RPGRIP1L: variants seen among roughly 807,000 people sequenced by gnomAD.
The protein encoded by RPGRIP1L is protein fantom.
RPGRIP1L carries 131 observed loss-of-function variants against 160.4 expected under a neutral mutation model. The ratio of observed to expected loss-of-function variants is 0.82; its 90% confidence interval spans 0.71 to 0.94. The LOEUF (loss-of-function observed/expected upper bound fraction) is 0.94. Among genes scored for constraint, RPGRIP1L ranks in the 40% least tolerant of loss-of-function variants. RPGRIP1L has a pLI of 0.00. For missense variants in RPGRIP1L, 1,522 were observed against 1,535.8 expected, an observed-to-expected ratio of 0.99 and a Z score of 0.15; for synonymous variants, 510 against 515.8, an observed-to-expected ratio of 0.99 and a Z score of 0.15.
At chr16:53,702,073 A>G (rs1008825655) in intron 1 of RPGRIP1L, among the ~76,000 whole-genome samples, 9 of 152,008 alleles carry the variant, frequency 5.9e-5, no homozygotes, top group African/African-American at 1.7e-4. Context: ...TAAAAATAAT[A>G]ATGATGATGA....
intron 7 of RPGRIP1L, among the ~76,000 whole-genome samples, chr16:53,673,805 C>G (rs980637906): frequency 2.0e-5 from 3 of 152,008 alleles, no homozygotes; most frequent in African/African-American, 7.2e-5. Context: ...TTTCTAGGCT[C>G]CACACTTCAC....
At chr16:53,698,902 T>C (rs1438328523) in intron 2 of RPGRIP1L, among the ~76,000 whole-genome samples, 5 of 152,072 alleles carry the variant, frequency 3.3e-5, no homozygotes, top group Non-Finnish European at 7.4e-5. Flanking sequence ...CAACAGCTCA[T>C]TGAGAATGGG....
At chr16:53,625,026 C>G (rs1964997189) in intron 22 of RPGRIP1L, among the ~76,000 whole-genome samples, 1 of 152,122 alleles carries the variant, frequency 6.6e-6, no homozygotes, top group Non-Finnish European at 1.5e-5. Flanking sequence ...TTGGCCTCCC[C>G]AGGTGCCGGG....
At chr16:53,666,770 A>G (rs1413543563) in intron 9 of RPGRIP1L, among the ~76,000 whole-genome samples, 1 of 152,174 alleles carries the variant, frequency 6.6e-6, no homozygotes, top group Non-Finnish European at 1.5e-5. Flanking sequence ...AAAGATCACC[A>G]ACAGCTAATC....
chr16:53,621,744 C>T (rs914779093), intron 23 of RPGRIP1L, among the ~76,000 whole-genome samples: 41 of 152,132 alleles, frequency 2.7e-4, no homozygotes, highest in African/African-American at 9.9e-4. Flanking sequence ...TCAACTAGGC[C>T]GGGCGCAGTG....
At chr16:53,648,369 A>C (rs1382660369) in intron 16 of RPGRIP1L, among the ~76,000 whole-genome samples, 4 of 152,162 alleles carry the variant, frequency 2.6e-5, no homozygotes, top group Non-Finnish European at 5.9e-5. Flanking sequence ...AATAATTTGG[A>C]AGCACAATAA....
At chr16:53,671,477 G>C (rs745412492) in intron 9 of RPGRIP1L, 33 bp downstream of exon 9, 5 of 1,356,816 alleles carry the variant, frequency 3.7e-6, no homozygotes, top group Non-Finnish European at 4.2e-6. Context: ...GCTCAAACAA[G>C]ACAATGAAAG....
At chr16:53,657,371 G>T in intron 13 of RPGRIP1L, 82 bp downstream of exon 13, 1 of 916,966 alleles carries the variant, frequency 1.1e-6, no homozygotes, top group Non-Finnish European at 1.7e-6. Flanking sequence ...ATAGATAACA[G>T]GTGATAACAT....
intron 4 of RPGRIP1L, among the ~76,000 whole-genome samples, chr16:53,689,155 T>C (rs1386800437): frequency 6.6e-6 from 1 of 151,504 alleles, no homozygotes; most frequent in Non-Finnish European, 1.5e-5. Context: ...CTGGGGTACA[T>C]GTGGTATTTT....
chr16:53,641,048 CATG>C lies in RPGRIP1L; in HGVS notation c.2940_2942del (p.Ile980del). On this transcript the variant is annotated inframe_deletion, in exon 19 of 27. Transcript: ENST00000647211. The stretch of plus-strand genomic sequence containing the variant: ...TACTACTTACATCACTCTGATGTGG[CATG>C]ATATCCACGAAAGATACCTTCTTAT... The C allele has an allele frequency of 6.2e-7, 1 of 1,612,160 alleles. No homozygotes were observed. Among genetic ancestry groups the C allele is most frequent in the Non-Finnish European group, 8.5e-7 (1 of 1,178,358 alleles).
At chr16:53,648,622 GCGCGCACACACACA>G (rs1469341331) in intron 16 of RPGRIP1L, among the ~76,000 whole-genome samples, 2 of 102,220 alleles carry the variant, frequency 2.0e-5, no homozygotes, top group East Asian at 2.3e-4. Flanking sequence ...GTGCGCGCGC[GCGCGCACACACACA>G]CACACACACA....
At chr16:53,685,162 G>A (rs1264047199) in intron 6 of RPGRIP1L, among the ~76,000 whole-genome samples, 3 of 152,080 alleles carry the variant, frequency 2.0e-5, no homozygotes, top group African/African-American at 7.2e-5. Flanking sequence ...AAACCACAAT[G>A]AGATACCATC....
intron 20 of RPGRIP1L, 83 bp from the exon 21 acceptor site, chr16:53,637,937 A>G: frequency 3.6e-6 from 5 of 1,390,286 alleles, no homozygotes; most frequent in Non-Finnish European, 5.1e-6. Flanking sequence ...GTTGAATAAT[A>G]AAGCATGTAA....
Position 53,598,686 on chromosome 16 carries a change from G to A in RPGRIP1L, c.*3390C>T, listed in dbSNP as rs1014719695. 2 of 152,132 alleles carry A rather than the reference G, an allele frequency of 1.3e-5. No homozygotes were observed. The allele number at this position is 152,132 out of a possible 1,614,324, so 9.4% of individuals were successfully genotyped here. On this transcript the variant is annotated 3_prime_UTR_variant, in exon 27 of 27. Transcript: ENST00000647211. ...GTAAATCTGTTTGTTCCCATTCATG[G>A]ATTTAATTAGGCATGTTGCCCAATC... is the stretch of plus-strand genomic sequence containing the variant.
intron 22 of RPGRIP1L, among the ~76,000 whole-genome samples, chr16:53,630,432 A>G (rs975629032): frequency 2.6e-5 from 4 of 152,310 alleles, no homozygotes; most frequent in African/African-American, 9.6e-5. Flanking sequence ...AGGAGAAAAC[A>G]TGAATTTTCA....
chr16:53,622,022 CAAAAAAAAAAA>C (rs36057385), intron 23 of RPGRIP1L, among the ~76,000 whole-genome samples, 186 bp downstream of exon 23: 2 of 24,134 alleles, frequency 8.3e-5, no homozygotes, highest in Admixed American at 6.4e-4. Context: ...GACTCCGTCT[CAAAAAAAAAAA>C]AAAAAAAAAA....
chr16:53,619,446 AT>A (rs914395014), intron 23 of RPGRIP1L, among the ~76,000 whole-genome samples: 7 of 152,186 alleles, frequency 4.6e-5, no homozygotes, highest in African/African-American at 1.7e-4. Flanking sequence ...TAGTCTCCTG[AT>A]TTACATTTGA....
At chr16:53,625,038 T>C (rs560877405) in intron 22 of RPGRIP1L, among the ~76,000 whole-genome samples, 5 of 152,218 alleles carry the variant, frequency 3.3e-5, no homozygotes, top group South Asian at 2.1e-4. Context: ...GGTGCCGGGA[T>C]TGCAGACGGA....
chr16:53,601,021 T>C lies in RPGRIP1L; in HGVS notation c.*1055A>G, dbSNP rs1218032327. ...ACAAATAAAAAAGTAAATTAAAAAATGAAATGCATTATATCCTAGACCTCT... is the reference window on the plus strand; with the variant it reads ...ACAAATAAAAAAGTAAATTAAAAAACGAAATGCATTATATCCTAGACCTCT... On this transcript the variant is annotated 3_prime_UTR_variant, in exon 27 of 27. Coordinates refer to ENST00000647211, the MANE Select transcript of RPGRIP1L (RefSeq NM_015272.5). 6.5e-6 allele frequency: 1 copy of C among 152,706 alleles called. No individual in the cohort carries two copies. The highest frequency in any genetic ancestry group is 1.9e-4 in the East Asian group (1 of 5,190). 9.5% of individuals were successfully genotyped at this position (152,706 alleles called of 1,614,324 possible). A position where few individuals can be genotyped will look rare whatever the true frequency, so the allele number is the denominator to read the frequency against.
Sources: allele counts gnomAD v4.1 joint callset (sites outside exome capture counted in the v4.1 genomes callset), GRCh38; gene constraint gnomAD v4.1.1; transcripts MANE v1.5; gene names NCBI Gene and HGNC (gene_info 2026-07-23, HGNC 2026-07-21).